The following PCDHGB1 variants were observed in gnomAD, a reference collection of about 807,000 sequenced individuals.
The protein encoded by PCDHGB1 is protocadherin gamma-B1.
Under a neutral mutation model 56.6 loss-of-function variants are expected in PCDHGB1, and 34 were observed. The observed-to-expected ratio is 0.60, with a 90% CI of 0.46 to 0.80. The LOEUF is 0.80. Ranked by LOEUF, PCDHGB1 falls within the 30% of genes least tolerant of loss-of-function variation. PCDHGB1 has a pLI of 0.00. For missense variants in PCDHGB1, 1,278 were observed against 1,204.6 expected, an observed-to-expected ratio of 1.06 and a Z score of -0.90; for synonymous variants, 561 against 505.9, an observed-to-expected ratio of 1.11 and a Z score of -1.46.
chr5:141,372,863 G>T, intron 1 of PCDHGB1: 2 of 1,395,300 alleles, frequency 1.4e-6, no homozygotes, highest in Non-Finnish European at 1.9e-6. Context: ...TCAATTCATT[G>T]ATTTAGAGAT....
chr5:141,384,134 G>T, intron 1 of PCDHGB1: 2 of 1,611,964 alleles, frequency 1.2e-6, no homozygotes, highest in South Asian at 2.2e-5. Context: ...AACTTGGACC[G>T]GGAAACACTC....
rs530404769 is a variant in PCDHGB1, at chr5:141,423,267, G to C, written c.2409+70598G>C. On this transcript the variant is annotated intron_variant, in intron 1 of 3. Coordinates refer to ENST00000523390, the MANE Select transcript of PCDHGB1 (RefSeq NM_018922.3). ...TCCTGGCGGACCTCGGCAGCCTCGA[G>C]TCTCTGGCTAACTCTGAAACCTCAG... The C allele has an allele frequency of 2.5e-6, 4 of 1,613,710 alleles. No individual in the cohort carries two copies. In the South Asian group the frequency reaches 4.4e-5, roughly 18 times the overall value.
In PCDHGB1 at chr5:141,385,322, A is replaced by C. The variant is rs1781120693; in HGVS notation, c.2409+32653A>C. On this transcript the variant is annotated intron_variant, in intron 1 of 3. Coordinates refer to ENST00000523390, the MANE Select transcript of PCDHGB1 (RefSeq NM_018922.3). ...TGTAAAGAAAACCTGCCAAGTATTC[A>C]GGTGAGCCCAGCCCTTCCTTTATTT... is the stretch of plus-strand genomic sequence containing the variant. The C allele has an allele frequency of 1.9e-6, 3 of 1,606,974 alleles. No homozygotes were observed. In the East Asian group the frequency reaches 6.7e-5, roughly 36 times the overall value.
At chr5:141,468,877 T>C (rs1321110515) in intron 1 of PCDHGB1, among the ~76,000 whole-genome samples, 2 of 149,546 alleles carry the variant, frequency 1.3e-5, no homozygotes, top group African/African-American at 4.9e-5. Context: ...AAAATAATAA[T>C]AATAATAATA....
rs1340147578 is a variant in PCDHGB1, at chr5:141,487,141, T to C, written c.2410-7666T>C. On this transcript the variant is annotated intron_variant, in intron 1 of 3. Transcript: ENST00000523390. This position sits in a 1 kb window ranked among gnomAD's most constrained non-coding sequence, Gnocchi z 5.0. ...AGGATAGTGGTAGTCCACCACTCTCTACCTCTGTTACTCTCTTAGTGTCCT... is the reference window on the plus strand; with the variant it reads ...AGGATAGTGGTAGTCCACCACTCTCCACCTCTGTTACTCTCTTAGTGTCCT... The C allele has an allele frequency of 1.2e-6, 2 of 1,613,882 alleles. No individual in the cohort carries two copies. Among genetic ancestry groups the C allele is most frequent in the African/African-American group, 2.7e-5 (2 of 74,934 alleles).
intron 1 of PCDHGB1, chr5:141,378,251 G>A (rs780385993): frequency 6.6e-6 from 1 of 152,234 alleles, no homozygotes; most frequent in Non-Finnish European, 1.5e-5. Flanking sequence ...ATGGCCGGGT[G>A]CGGTGGCTCA....
chr5:141,465,966 C>CA (rs2099113454), intron 1 of PCDHGB1, among the ~76,000 whole-genome samples: 1 of 151,802 alleles, frequency 6.6e-6, no homozygotes, highest in Non-Finnish European at 1.5e-5. Flanking sequence ...ACTAAAAATA[C>CA]AAAAAATTAG....
intron 1 of PCDHGB1, chr5:141,478,169 G>A (rs2099436111): frequency 1.2e-6 from 2 of 1,613,716 alleles, no homozygotes; most frequent in Admixed American, 1.7e-5. Flanking sequence ...TGCCCCCCGG[G>A]AGCAGAAAAA....
intron 1 of PCDHGB1, chr5:141,478,608 G>C (rs751033009): frequency 7.7e-6 from 12 of 1,558,942 alleles, no homozygotes; most frequent in Middle Eastern, 1.7e-4. Context: ...ATCATATTGA[G>C]GAAGGAATGG....
At chr5:141,452,084 C>CGG (rs1561946918) in intron 1 of PCDHGB1, among the ~76,000 whole-genome samples, 1 of 152,170 alleles carries the variant, frequency 6.6e-6, no homozygotes, top group Non-Finnish European at 1.5e-5. Context: ...TGGCATTATA[C>CGG]AGTAAGAAAG....
intron 1 of PCDHGB1, among the ~76,000 whole-genome samples, chr5:141,369,528 C>T (rs952225187): frequency 6.6e-6 from 1 of 152,120 alleles, no homozygotes; most frequent in Non-Finnish European, 1.5e-5. Context: ...TTCAATCATA[C>T]TTATTTAATT....
intron 1 of PCDHGB1, chr5:141,405,031 CGTT>C: frequency 6.2e-7 from 1 of 1,613,968 alleles, no homozygotes; most frequent in Admixed American, 1.7e-5. Flanking sequence ...CCCTCTACCT[CGTT>C]GTGGCTGTGG....
chr5:141,398,165 G>A (rs574512663), intron 1 of PCDHGB1: 4 of 1,479,272 alleles, frequency 2.7e-6, no homozygotes, highest in South Asian at 2.8e-5. Context: ...CGGGCTGAGA[G>A]GCTGCCAGTG....
Position 141,352,000 on chromosome 5 carries a change from C to G in PCDHGB1, c.1740C>G (p.Pro580=), listed in dbSNP as rs763040408. ...ATATGGTGCCACGCGCCGCAGAGCC[C>G]GGCTACCTGGTGACCAAGGTGGTGG... ...LFDMVPRAAE[P]GYLVTKVVAV... is the part of the protein sequence containing the mutation. The change falls in exon 1 of 4, where the codon CCC becomes CCG. Residue 580 remains proline, a synonymous_variant. Coordinates refer to ENST00000523390, the MANE Select transcript of PCDHGB1 (RefSeq NM_018922.3). 3.7e-6 allele frequency: 6 copies of G among 1,610,366 alleles called. No individual in the cohort carries two copies. Among genetic ancestry groups the G allele is most frequent in the South Asian group, 1.1e-5 (1 of 90,978 alleles).
chr5:141,393,899 C>T, intron 1 of PCDHGB1: 1 of 1,613,932 alleles, frequency 6.2e-7, no homozygotes, highest in Non-Finnish European at 8.5e-7. Context: ...ATTCTCTTCC[C>T]GGGACAGTAA....
rs761155361 is a variant in PCDHGB1, at chr5:141,365,110, G to A, written c.2409+12441G>A. 2.5e-6 allele frequency: 4 copies of A among 1,613,868 alleles called. No homozygotes were observed. In the South Asian group the frequency reaches 4.4e-5, roughly 18 times the overall value. On this transcript the variant is annotated intron_variant, in intron 1 of 3. Transcript: ENST00000523390. ...CAGAGAACATACCTGTGGGCACTCG[G>A]CTGCTCATGCTAACCGCCACGGATC...
At chr5:141,428,019 G>C in intron 1 of PCDHGB1, 1 of 1,604,824 alleles carries the variant, frequency 6.2e-7, no homozygotes, top group Non-Finnish European at 8.5e-7. Flanking sequence ...AGTGCCACGC[G>C]CCGCAGAGTC....
intron 2 of PCDHGB1, among the ~76,000 whole-genome samples, chr5:141,502,725 G>A (rs1020846462): frequency 2.0e-5 from 3 of 152,150 alleles, no homozygotes; most frequent in Non-Finnish European, 4.4e-5. Context: ...ATTACAAAGC[G>A]GTGATGTTCT....
chr5:141,364,154 G>T (rs1052849617), intron 1 of PCDHGB1: 10 of 590,840 alleles, frequency 1.7e-5, no homozygotes, highest in Admixed American at 3.8e-5. Flanking sequence ...AGAAGCTGCC[G>T]CAGAGGCGAC....
Sources: allele counts gnomAD v4.1 joint callset (sites outside exome capture counted in the v4.1 genomes callset), GRCh38; gene constraint gnomAD v4.1.1; non-coding constraint Gnocchi (gnomAD v3.1); transcripts MANE v1.5; gene names NCBI Gene and HGNC (gene_info 2026-07-23, HGNC 2026-07-21).